ABLIM1: variants seen among roughly 807,000 people sequenced by gnomAD.
ABLIM1 encodes actin binding LIM protein 1.
A neutral mutation model predicts 107.0 loss-of-function variants in ABLIM1; 40 were observed. That is an observed-to-expected ratio of 0.37 (90% CI 0.29 to 0.49). The LOEUF is 0.49. Among genes scored for constraint, ABLIM1 ranks in the 20% least tolerant of loss-of-function variants. ABLIM1 has a pLI of 0.97. For synonymous variants in ABLIM1, 357 were observed against 357.3 expected, an observed-to-expected ratio of 1.00 and a Z score of 0.01; for missense variants, 857 against 1,008.5, an observed-to-expected ratio of 0.85 and a Z score of 2.04.
intron 6 of ABLIM1, among the ~76,000 whole-genome samples, chr10:114,496,707 T>C (rs2059713977): frequency 6.6e-6 from 1 of 152,234 alleles, no homozygotes; most frequent in Non-Finnish European, 1.5e-5. Flanking sequence ...AACCTAACCC[T>C]AGCCCATTGT....
At chr10:114,790,265 C>T in the ABLIM1 span, among the ~76,000 whole-genome samples, 1 of 151,286 alleles carries the variant, frequency 6.6e-6, no homozygotes, top group Non-Finnish European at 1.5e-5. Context: ...CTAATCACAT[C>T]TTCCCTTTGG....
intron 2 of ABLIM1, among the ~76,000 whole-genome samples, chr10:114,591,219 C>T (rs2074830706): frequency 6.6e-6 from 1 of 152,152 alleles, no homozygotes; most frequent in Non-Finnish European, 1.5e-5. Flanking sequence ...GATGCAAATT[C>T]AAGCATGCCA....
the ABLIM1 span, among the ~76,000 whole-genome samples, chr10:114,794,012 CA>C: frequency 1.3e-5 from 2 of 152,190 alleles, no homozygotes; most frequent in Non-Finnish European, 2.9e-5. Context: ...AAGCTAAAAC[CA>C]AATTCCTTTC....
chr10:114,741,159 G>A (rs1473776996), intron 1 of ABLIM1, among the ~76,000 whole-genome samples: 1 of 145,954 alleles, frequency 6.9e-6, no homozygotes, highest in Non-Finnish European at 1.5e-5. Flanking sequence ...TAGTGGTATA[G>A]TATTTACAAG....
At position 114,599,644 on chromosome 10, in the gene ABLIM1, G is replaced by A. The variant is rs1038489711; in HGVS notation, c.379+2183C>T. On this transcript the variant is annotated intron_variant, in intron 2 of 22. Transcript: ENST00000533213. The stretch of plus-strand genomic sequence containing the variant: ...CCACACACACACACAAAAATTAGCT[G>A]GGCACGGTGGCAGGTACCTGTAATC... 2.6e-5 allele frequency among the ~76,000 whole-genome samples: 4 copies of A among 151,874 alleles called. No individual in the cohort carries two copies. The East Asian group carries it at 7.8e-4, about 29-fold the overall frequency.
chr10:114,742,063 C>T (rs977397557), intron 1 of ABLIM1, among the ~76,000 whole-genome samples: 1 of 152,150 alleles, frequency 6.6e-6, no homozygotes, highest in Non-Finnish European at 1.5e-5. Context: ...TTATGGACTT[C>T]GATACTTAAG....
intron 10 of ABLIM1, among the ~76,000 whole-genome samples, chr10:114,470,129 A>G (rs1197618678): frequency 6.6e-6 from 1 of 152,184 alleles, no homozygotes; most frequent in Non-Finnish European, 1.5e-5. Context: ...CTTAAATGGC[A>G]ATATGTATAA....
At chr10:114,662,111 T>TAA (rs2079820994), upstream of ABLIM1, among the ~76,000 whole-genome samples, 1 of 152,206 alleles carries the variant, frequency 6.6e-6, no homozygotes, top group Admixed American at 6.5e-5. Flanking sequence ...CACTAAAGAA[T>TAA]AAAATTTTCT....
chr10:114,658,437 C>CG, upstream of ABLIM1: 7 of 569,354 alleles, frequency 1.2e-5, no homozygotes, highest in South Asian at 4.5e-5. Flanking sequence ...CTTTCAGTCT[C>CG]AGACATGAAT....
the ABLIM1 span, among the ~76,000 whole-genome samples, chr10:114,776,780 A>T: frequency 2.0e-5 from 3 of 152,110 alleles, no homozygotes; most frequent in African/African-American, 7.2e-5. Flanking sequence ...GGGATGCTCA[A>T]CTAATTTTCC....
chr10:114,439,203 C>T lies in ABLIM1; in HGVS notation c.2115G>A (p.Val705=), dbSNP rs1046561088. Residue 705 remains valine, a synonymous_variant, in exon 21 of 23, where the codon GTG becomes GTA. Coordinates refer to ENST00000533213, the MANE Select transcript of ABLIM1 (RefSeq NM_002313.7). ...HMPAMRMDRG[V]SMPNMLEPKI... is the part of the protein sequence containing the mutation. ...TTGGTTCCAACATGTTGGGCATAGA[C>T]ACTCCTCGGTCCATTCTCATTGCAG... 2 of 1,614,104 alleles carry T rather than the reference C, an allele frequency of 1.2e-6. No individual in the cohort carries two copies. Among genetic ancestry groups the T allele is most frequent in the Non-Finnish European group, 1.7e-6 (2 of 1,180,048 alleles).
At chr10:114,781,641 T>G in the ABLIM1 span, among the ~76,000 whole-genome samples, 1 of 135,570 alleles carries the variant, frequency 7.4e-6, no homozygotes, top group Non-Finnish European at 1.6e-5. Context: ...TATGCACGTG[T>G]GTGTGTGTAT....
chr10:114,677,010 T>C (rs2080516474), intron 1 of ABLIM1, among the ~76,000 whole-genome samples: 1 of 152,180 alleles, frequency 6.6e-6, no homozygotes, highest in Non-Finnish European at 1.5e-5. Flanking sequence ...GTGCTGGGAT[T>C]ACAGGCATGA....
chr10:114,641,455 T>C (rs1374163062), intron 1 of ABLIM1, among the ~76,000 whole-genome samples: 1 of 152,026 alleles, frequency 6.6e-6, no homozygotes, highest in Non-Finnish European at 1.5e-5. Flanking sequence ...ATGTCCTAGT[T>C]GGGAAGGTTG....
chr10:114,769,427 G>GAAAGAAAGAAAGAAAGA (rs1412694401), upstream of ABLIM1, among the ~76,000 whole-genome samples: 1 of 7,452 alleles, frequency 1.3e-4, no homozygotes, highest in East Asian at 8.0e-4. Context: ...AAGAAGGAAA[G>GAAAGAAAGAAAGAAAGA]AAAGAAAGAA....
At chr10:114,500,683 G>GA (rs71007473) in intron 6 of ABLIM1, among the ~76,000 whole-genome samples, 15,316 of 52,532 alleles carry the variant, frequency 0.29, 2,232 homozygotes, top group Non-Finnish European at 0.38. Context: ...TGTGTCGAAA[G>GA]AAAAAAAAAA....
chr10:114,779,554 T>C, the ABLIM1 span: 1 of 152,252 alleles, frequency 6.6e-6, no homozygotes, highest in Admixed American at 6.5e-5. Flanking sequence ...CATACATATA[T>C]ACATTATGTG....
chr10:114,774,299 A>T, the ABLIM1 span, among the ~76,000 whole-genome samples: 532 of 152,322 alleles, frequency 3.5e-3, 2 homozygotes, highest in African/African-American at 0.012. Flanking sequence ...AAGCAAATAA[A>T]GTGAGTCCTA....
intron 4 of ABLIM1, among the ~76,000 whole-genome samples, chr10:114,565,946 C>T (rs1190588661): frequency 1.3e-5 from 2 of 151,844 alleles, no homozygotes; most frequent in East Asian, 3.9e-4. Flanking sequence ...AGGCGCCCGC[C>T]ACCATGCCTC....
Sources: gnomAD v4.1 joint callset for allele counts (sites outside exome capture counted in the v4.1 genomes callset) on GRCh38, gnomAD v4.1.1 for gene constraint, MANE v1.5 for transcripts, NCBI Gene and HGNC (gene_info 2026-07-23, HGNC 2026-07-21) for gene names.